The following KCNMB4 variants were observed in gnomAD, a reference collection of about 807,000 sequenced individuals.
The protein encoded by KCNMB4 is potassium calcium-activated channel subfamily M regulatory beta subunit 4.
KCNMB4 carries 3 observed loss-of-function variants against 20.7 expected under a neutral mutation model. The observed-to-expected ratio is 0.14, with a 90% CI of 0.07 to 0.37. The LOEUF is 0.37. KCNMB4 is among the 10% of genes least tolerant of loss of function. KCNMB4 has a pLI of 1.00. For missense variants in KCNMB4, 168 were observed against 265.9 expected (o/e 0.63, Z 2.56); for synonymous variants, 110 against 113.4 (o/e 0.97, Z 0.19).
intron 1 of KCNMB4, among the ~76,000 whole-genome samples, chr12:70,383,234 ACAT>A (rs1031178498): frequency 1.3e-5 from 2 of 152,222 alleles, no homozygotes; most frequent in Non-Finnish European, 2.9e-5. Context: ...ATATATCAAA[ACAT>A]CACGTTATAT....
chr12:70,415,902 A>G (rs553997309), intron 2 of KCNMB4, among the ~76,000 whole-genome samples: 2 of 152,352 alleles, frequency 1.3e-5, no homozygotes, highest in South Asian at 4.1e-4. Context: ...CTGACTAGTG[A>G]GAGCCAACAC....
rs1255627894 is a variant in KCNMB4, at chr12:70,393,179, CTG to C, written c.337-7024_337-7023del. Reference sequence around the variant, plus strand: ...ATTCAACTTCTATTTTTGGCAAAGACTGTGTGTTTTTATTTTATTTTATTTAT... The same window carrying C: ...ATTCAACTTCTATTTTTGGCAAAGACTGTGTTTTTATTTTATTTTATTTAT... On this transcript the variant is annotated intron_variant, in intron 1 of 2. Transcript: ENST00000258111. 2.0e-5 allele frequency among the ~76,000 whole-genome samples: 3 copies of C among 151,934 alleles called. No individual in the cohort carries two copies. The East Asian group carries it at 5.8e-4, about 29-fold the overall frequency.
At chr12:70,367,671 G>A (rs1883519854) in intron 1 of KCNMB4, among the ~76,000 whole-genome samples, 1 of 152,084 alleles carries the variant, frequency 6.6e-6, no homozygotes, top group Non-Finnish European at 1.5e-5. Context: ...GGGAAGTACA[G>A]AGGGCTCCTA....
intron 1 of KCNMB4, among the ~76,000 whole-genome samples, chr12:70,383,130 CATT>C (rs1441980560): frequency 6.6e-6 from 1 of 152,192 alleles, no homozygotes. Flanking sequence ...ACTGAAATGT[CATT>C]ATTCAGCACA....
intron 2 of KCNMB4, among the ~76,000 whole-genome samples, chr12:70,407,636 T>G (rs1258015096): frequency 2.0e-5 from 3 of 151,032 alleles, no homozygotes; most frequent in African/African-American, 2.4e-5. Flanking sequence ...CCCGGCTAAT[T>G]TTTTGTATTT....
intron 1 of KCNMB4, among the ~76,000 whole-genome samples, chr12:70,371,416 T>C (rs1294436486): frequency 6.6e-6 from 1 of 152,200 alleles, no homozygotes; most frequent in Non-Finnish European, 1.5e-5. Flanking sequence ...CCTGTCCCAG[T>C]GCACTGTAGG....
intron 1 of KCNMB4, among the ~76,000 whole-genome samples, chr12:70,394,696 T>C: frequency 6.6e-6 from 1 of 152,182 alleles, no homozygotes; most frequent in East Asian, 1.9e-4. Flanking sequence ...AGATAGGATC[T>C]TGCTCTGTTT....
intron 1 of KCNMB4, among the ~76,000 whole-genome samples, chr12:70,387,917 C>A (rs527419193): frequency 3.3e-5 from 5 of 152,136 alleles, no homozygotes. Flanking sequence ...AGGTCTTATT[C>A]ATTCTTTTTA....
At chr12:70,389,823 A>G (rs1868285527) in intron 1 of KCNMB4, among the ~76,000 whole-genome samples, 1 of 152,132 alleles carries the variant, frequency 6.6e-6, no homozygotes, top group African/African-American at 2.4e-5. Flanking sequence ...TGTTTCCTTG[A>G]TCCCATGCCT....
intron 1 of KCNMB4, among the ~76,000 whole-genome samples, chr12:70,377,205 A>G (rs1415297610): frequency 6.6e-6 from 1 of 152,332 alleles, no homozygotes; most frequent in African/African-American, 2.4e-5. Context: ...CAAGAGAACC[A>G]TAATAAACAA....
intron 2 of KCNMB4, among the ~76,000 whole-genome samples, chr12:70,402,654 CAAAAA>C (rs34956547): frequency 8.0e-5 from 6 of 75,104 alleles, no homozygotes; most frequent in Non-Finnish European, 1.3e-4. Context: ...GACCCTGCCT[CAAAAA>C]AAAAAAAAAA....
intron 2 of KCNMB4, among the ~76,000 whole-genome samples, chr12:70,407,655 G>A (rs1868646073): frequency 2.0e-5 from 3 of 150,642 alleles, no homozygotes; most frequent in Non-Finnish European, 3.0e-5. Flanking sequence ...TTTTAGTAGA[G>A]ACGGGGTTTC....
chr12:70,367,174 TAGG>T (rs1313986483), intron 1 of KCNMB4, 104 bp downstream of exon 1: 4 of 864,696 alleles, frequency 4.6e-6, no homozygotes, highest in East Asian at 2.8e-5. Flanking sequence ...CTCGCATTGC[TAGG>T]AGGAGACCAG....
Position 70,378,131 on chromosome 12 carries a change from T to C in KCNMB4, c.336+11061T>C, listed in dbSNP as rs547486606. Among the ~76,000 whole-genome samples, 7 of 152,104 alleles carry C rather than the reference T, an allele frequency of 4.6e-5. No homozygotes were observed. The South Asian group carries it at 1.2e-3, about 27-fold the overall frequency. On this transcript the variant is annotated intron_variant, in intron 1 of 2. Transcript: ENST00000258111. ...CACCCAGCTAATTTTTTTTTCTGTATTGGTAGTAGAGACAGGGTTTCATCA... is the reference window on the plus strand; with the variant it reads ...CACCCAGCTAATTTTTTTTTCTGTACTGGTAGTAGAGACAGGGTTTCATCA...
At chr12:70,398,166 G>C (rs961226638) in intron 1 of KCNMB4, among the ~76,000 whole-genome samples, 7 of 152,066 alleles carry the variant, frequency 4.6e-5, no homozygotes, top group Non-Finnish European at 1.0e-4. Context: ...GGCTTAGTCA[G>C]GGTTCCCAGC....
At chr12:70,380,801 C>T (rs1293637808) in intron 1 of KCNMB4, among the ~76,000 whole-genome samples, 1 of 152,164 alleles carries the variant, frequency 6.6e-6, no homozygotes, top group Non-Finnish European at 1.5e-5. Context: ...TCTGATTGCA[C>T]ATTAAAATAA....
intron 1 of KCNMB4, among the ~76,000 whole-genome samples, chr12:70,387,662 G>GT (rs908578836): frequency 1.7e-4 from 25 of 150,064 alleles, no homozygotes; most frequent in African/African-American, 3.4e-4. Context: ...CTGGAGTGTT[G>GT]TTTTTTTTTA....
In KCNMB4 at chr12:70,387,379, G is replaced by A. The variant is rs1049002787; in HGVS notation, c.337-12830G>A. ...TTCTTCATTTGTGACTCACTGATTC[G>A]TCTTTTTTAAATTTTTTAATTTTTT... On this transcript the variant is annotated intron_variant, in intron 1 of 2. Coordinates refer to ENST00000258111, the MANE Select transcript of KCNMB4 (RefSeq NM_014505.6). 9.5e-5 allele frequency among the ~76,000 whole-genome samples: 14 copies of A among 146,936 alleles called. 1 individual carries two copies. The highest frequency in any genetic ancestry group is 1.4e-4 in the Admixed American group (2 of 14,598).
chr12:70,412,073 T>C (rs1402271477), intron 2 of KCNMB4, among the ~76,000 whole-genome samples: 2 of 152,082 alleles, frequency 1.3e-5, no homozygotes, highest in African/African-American at 4.8e-5. Flanking sequence ...GACATAGGAC[T>C]TGAAGGAAGT....
Sources: gnomAD v4.1 joint callset for allele counts (sites outside exome capture counted in the v4.1 genomes callset) on GRCh38, gnomAD v4.1.1 for gene constraint, MANE v1.5 for transcripts, NCBI Gene and HGNC (gene_info 2026-07-23, HGNC 2026-07-21) for gene names.